Variants in OR1B1 observed in about 807,000 individuals in gnomAD.
OR1B1 encodes olfactory receptor family 1 subfamily B member 1.
For missense variants in OR1B1, 414 were observed against 402.1 expected (o/e 1.03, Z -0.25); for synonymous variants, 168 against 156.2 (o/e 1.08, Z -0.57).
At chr9:122,629,638 A>G (rs1329951), upstream of OR1B1, 587,454 of 728,172 alleles carry the variant, frequency 0.81, 238,496 homozygotes, top group East Asian at 0.94. Flanking sequence ...TTACGTTACT[A>G]AAGATCGTTA....
the OR1B1 span, among the ~76,000 whole-genome samples, chr9:122,636,350 C>T: frequency 6.6e-6 from 1 of 152,244 alleles, no homozygotes; most frequent in Non-Finnish European, 1.5e-5. Flanking sequence ...AGCAGTGGCT[C>T]ACGCCTGTAA....
chr9:122,638,865 A>C, the OR1B1 span, among the ~76,000 whole-genome samples: 1 of 152,164 alleles, frequency 6.6e-6, no homozygotes, highest in Non-Finnish European at 1.5e-5. Context: ...GTTTACACAG[A>C]GCTCCGGAAT....
the OR1B1 span, among the ~76,000 whole-genome samples, chr9:122,638,891 T>C: frequency 6.6e-6 from 1 of 152,182 alleles, no homozygotes; most frequent in Non-Finnish European, 1.5e-5. Context: ...GGAGAAATCT[T>C]CAGCAAGACT....
At chr9:122,634,911 C>CACTT in the OR1B1 span, among the ~76,000 whole-genome samples, 506 of 152,262 alleles carry the variant, frequency 3.3e-3, 3 homozygotes, top group African/African-American at 0.012. Flanking sequence ...GGAAAGGGAA[C>CACTT]ACTTGCACAT....
At chr9:122,632,348 A>G (rs1830211064), upstream of OR1B1, among the ~76,000 whole-genome samples, 1 of 152,206 alleles carries the variant, frequency 6.6e-6, no homozygotes, top group Non-Finnish European at 1.5e-5. Context: ...GAAAACAAAA[A>G]CATTCACATT....
chr9:122,635,237 A>T, the OR1B1 span, among the ~76,000 whole-genome samples: 1 of 152,188 alleles, frequency 6.6e-6, no homozygotes, highest in Non-Finnish European at 1.5e-5. Flanking sequence ...AACCTGGAGG[A>T]TATTATGTTA....
chr9:122,629,631 C>A, upstream of OR1B1: 2 of 786,412 alleles, frequency 2.5e-6, no homozygotes, highest in Non-Finnish European at 4.2e-6. Context: ...AATTATATTA[C>A]GTTACTAAAG....
the OR1B1 span, among the ~76,000 whole-genome samples, chr9:122,635,013 C>A: frequency 3.3e-5 from 5 of 152,194 alleles, no homozygotes; most frequent in Non-Finnish European, 5.9e-5. Context: ...GGTGACCCAG[C>A]AATCCCTCTC....
chr9:122,653,068 A>G, the OR1B1 span, among the ~76,000 whole-genome samples: 1 of 152,262 alleles, frequency 6.6e-6, no homozygotes, highest in African/African-American at 2.4e-5. Context: ...TCAGCCCAAG[A>G]TAAACAGACA....
chr9:122,639,970 A>T, the OR1B1 span, among the ~76,000 whole-genome samples: 1 of 152,050 alleles, frequency 6.6e-6, no homozygotes, highest in South Asian at 2.1e-4. Context: ...CTCCACATGC[A>T]TGATTTCACG....
chr9:122,628,309 A>G (rs573240625), downstream of OR1B1, among the ~76,000 whole-genome samples: 5 of 152,318 alleles, frequency 3.3e-5, no homozygotes, highest in South Asian at 2.1e-4. Context: ...AAAACTACCC[A>G]GACTTGGTAA....
chr9:122,642,692 C>T, the OR1B1 span, among the ~76,000 whole-genome samples: 1,776 of 152,210 alleles, frequency 0.012, 28 homozygotes, highest in African/African-American at 0.039. Flanking sequence ...GTACCCCAGA[C>T]GACAAACACT....
upstream of OR1B1, among the ~76,000 whole-genome samples, chr9:122,634,545 G>T (rs1312301138): frequency 6.6e-6 from 1 of 151,884 alleles, no homozygotes; most frequent in African/African-American, 2.4e-5. Flanking sequence ...AAATGCAGGG[G>T]GAACTGCCCC....
the OR1B1 span, among the ~76,000 whole-genome samples, chr9:122,642,296 G>C: frequency 1.3e-5 from 2 of 152,122 alleles, no homozygotes; most frequent in Admixed American, 6.5e-5. Context: ...ATTTGTCAGG[G>C]AAAAACAGGA....
chr9:122,638,939 G>T, the OR1B1 span, among the ~76,000 whole-genome samples: 2 of 152,164 alleles, frequency 1.3e-5, no homozygotes, highest in Non-Finnish European at 2.9e-5. Flanking sequence ...TATTTCCCCA[G>T]CCTCAGAAGC....
At chr9:122,643,682 T>C in the OR1B1 span, among the ~76,000 whole-genome samples, 7 of 152,278 alleles carry the variant, frequency 4.6e-5, no homozygotes, top group African/African-American at 1.4e-4. Flanking sequence ...ACCCAGGCAG[T>C]GCAGTTTGTA....
chr9:122,638,917 C>T, the OR1B1 span, among the ~76,000 whole-genome samples: 1,301 of 152,262 alleles, frequency 8.5e-3, 21 homozygotes, highest in African/African-American at 0.03. Flanking sequence ...ATGGAAGGCT[C>T]ATAACGGACT....
At chr9:122,634,720 C>T in the OR1B1 span, among the ~76,000 whole-genome samples, 1 of 152,066 alleles carries the variant, frequency 6.6e-6, no homozygotes, top group Non-Finnish European at 1.5e-5. Flanking sequence ...CATACCAGAA[C>T]CTGAATAAAT....
the OR1B1 span, among the ~76,000 whole-genome samples, chr9:122,644,866 C>T: frequency 3.9e-5 from 6 of 152,308 alleles, no homozygotes; most frequent in East Asian, 9.6e-4. Flanking sequence ...CTACCTGATT[C>T]TTCAATGCCC....
Sources: gnomAD v4.1 joint callset for allele counts (sites outside exome capture counted in the v4.1 genomes callset) on GRCh38, gnomAD v4.1.1 for gene constraint, MANE v1.5 for transcripts, NCBI Gene and HGNC (gene_info 2026-07-23, HGNC 2026-07-21) for gene names.